FAAH2: variants seen among roughly 807,000 people sequenced by gnomAD.
The protein encoded by FAAH2 is fatty acid amide hydrolase 2, also known as fatty-acid amide hydrolase 2.
In FAAH2, 60 loss-of-function variants were observed where a neutral mutation model predicts 36.9. That is an observed-to-expected ratio of 1.63 (90% confidence interval 1.32 to 2.02). The LOEUF (loss-of-function observed/expected upper bound fraction) is 2.02. Ranked by LOEUF, FAAH2 falls within the 30% of genes most tolerant of loss-of-function variation. The pLI, the probability that FAAH2 is intolerant of heterozygous loss-of-function variation, is 0.00. For missense variants in FAAH2, 689 were observed against 397.5 expected, an observed-to-expected ratio of 1.73 and a Z score of -6.23; for synonymous variants, 214 against 143.8, an observed-to-expected ratio of 1.49 and a Z score of -3.49.
the FAAH2 span, among the ~76,000 whole-genome samples, chrX:57,194,386 A>G: frequency 9.1e-6 from 1 of 110,189 alleles, no homozygotes; most frequent in African/African-American, 3.3e-5. Flanking sequence ...CTCTGATTTT[A>G]TTTATTTGGA....
chrX:57,168,530 A>T, the FAAH2 span, among the ~76,000 whole-genome samples: 1 of 112,285 alleles, frequency 8.9e-6, no homozygotes. Context: ...TTGGCTTAAA[A>T]GAGAAGGCTA....
At chrX:57,393,623 C>T (rs1420684904) in intron 7 of FAAH2, 2 of 914,394 alleles carry the variant, frequency 2.2e-6, no homozygotes, top group Non-Finnish European at 3.2e-6. Context: ...CAATGCACCA[C>T]TCACCCCCAG....
At chrX:57,310,085 G>T (rs760082671) in intron 2 of FAAH2, among the ~76,000 whole-genome samples, 4 of 112,024 alleles carry the variant, frequency 3.6e-5, no homozygotes, top group African/African-American at 1.3e-4. Flanking sequence ...AGCCTCGGCA[G>T]CATCTGTTGT....
chrX:57,378,395 C>T (rs1416232438), intron 5 of FAAH2, among the ~76,000 whole-genome samples: 3 of 110,907 alleles, frequency 2.7e-5, no homozygotes, highest in Non-Finnish European at 5.7e-5. Context: ...AAGTAGGGAC[C>T]CTGTTTCCAT....
At chrX:57,470,476 G>A (rs779499143) in intron 10 of FAAH2, among the ~76,000 whole-genome samples, 6 of 111,729 alleles carry the variant, frequency 5.4e-5, no homozygotes, top group African/African-American at 2.0e-4. Context: ...GCACCTCTAT[G>A]CAAATAAACT....
the FAAH2 span, among the ~76,000 whole-genome samples, chrX:57,280,912 T>A: frequency 8.9e-6 from 1 of 112,501 alleles, no homozygotes; most frequent in African/African-American, 3.2e-5. Flanking sequence ...TGATTATTGA[T>A]ACACATACAA....
At chrX:57,238,606 G>T in the FAAH2 span, among the ~76,000 whole-genome samples, 5 of 111,178 alleles carry the variant, frequency 4.5e-5, no homozygotes, top group South Asian at 7.6e-4. Flanking sequence ...TAACAAACCT[G>T]CACAGGTACC....
chrX:57,267,231 C>T, the FAAH2 span, among the ~76,000 whole-genome samples: 1 of 112,757 alleles, frequency 8.9e-6, no homozygotes, highest in South Asian at 3.6e-4. Flanking sequence ...GTCTGCATGG[C>T]AGGTTTTGCT....
At chrX:57,191,769 C>T in the FAAH2 span, among the ~76,000 whole-genome samples, 1 of 111,814 alleles carries the variant, frequency 8.9e-6, no homozygotes, top group African/African-American at 3.2e-5. Flanking sequence ...GTTCTTGTCA[C>T]GTTTATCAAA....
At position 57,331,636 on chromosome X, in the gene FAAH2, G is replaced by A; in HGVS notation, c.451G>A (p.Ala151Thr). Residue 151 changes from alanine to threonine, a missense_variant, in exon 4 of 11, where the codon GCC becomes ACC. Transcript: ENST00000374900. ...TTCTGGACTCATGAACCGTCGTGAT[G>A]CCATTGCCAAAACAGATGCCACTGT... Reference protein sequence around the residue: ...NSSGLMNRRDAIAKTDATVVA... With the variant: ...NSSGLMNRRDTIAKTDATVVA... The A allele has an allele frequency of 8.3e-7, 1 of 1,211,581 alleles. No homozygotes were observed. Among genetic ancestry groups the A allele is most frequent in the Non-Finnish European group, 1.1e-6 (1 of 895,358 alleles).
At chrX:57,163,410 C>T in the FAAH2 span, among the ~76,000 whole-genome samples, 2 of 111,636 alleles carry the variant, frequency 1.8e-5, no homozygotes, top group East Asian at 5.6e-4. Context: ...TTCCTGGCTG[C>T]TTTGTTTACC....
At chrX:57,328,982 T>A (rs1177615260) in intron 3 of FAAH2, among the ~76,000 whole-genome samples, 1 of 111,657 alleles carries the variant, frequency 9.0e-6, no homozygotes, top group African/African-American at 3.3e-5. Flanking sequence ...GCCAGATCAC[T>A]GGTCATAATA....
intron 10 of FAAH2, among the ~76,000 whole-genome samples, chrX:57,474,853 G>T (rs767696271): frequency 8.9e-6 from 1 of 112,013 alleles, no homozygotes; most frequent in African/African-American, 3.2e-5. Context: ...AGGCACACCA[G>T]CATCTGTTGT....
chrX:57,208,632 G>T, the FAAH2 span, among the ~76,000 whole-genome samples: 13 of 111,920 alleles, frequency 1.2e-4, no homozygotes, highest in African/African-American at 3.6e-4. Context: ...TGTGGAGTGG[G>T]AAATCAGGGG....
chrX:57,480,197 G>A (rs993218024), intron 10 of FAAH2, among the ~76,000 whole-genome samples: 1 of 111,335 alleles, frequency 9.0e-6, no homozygotes, highest in Non-Finnish European at 1.9e-5. Flanking sequence ...GGAGGAACTG[G>A]TACCATTCCT....
chrX:57,335,300 G>A (rs2053516423), intron 4 of FAAH2, among the ~76,000 whole-genome samples: 1 of 111,099 alleles, frequency 9.0e-6, no homozygotes, highest in African/African-American at 3.3e-5. Context: ...GGGGACCGGC[G>A]TTCAGCATAA....
intron 8 of FAAH2, among the ~76,000 whole-genome samples, chrX:57,434,264 T>C (rs759099135): frequency 1.8e-4 from 19 of 108,388 alleles, no homozygotes; most frequent in African/African-American, 6.4e-4. Context: ...TTAGTAGAGA[T>C]GGGGTTTCAC....
chrX:57,123,901 T>G, the FAAH2 span, among the ~76,000 whole-genome samples: 1 of 112,245 alleles, frequency 8.9e-6, no homozygotes, highest in African/African-American at 3.2e-5. Flanking sequence ...TTCTGGATAT[T>G]AGCCCTTTGT....
intron 7 of FAAH2, among the ~76,000 whole-genome samples, chrX:57,406,346 CT>C (rs2147321687): frequency 8.9e-6 from 1 of 112,375 alleles, no homozygotes; most frequent in East Asian, 2.8e-4. Context: ...CACGTTAGCA[CT>C]ATGCTGTGTC....
Sources: gnomAD v4.1 joint callset for allele counts (sites outside exome capture counted in the v4.1 genomes callset) on GRCh38, gnomAD v4.1.1 for gene constraint, MANE v1.5 for transcripts, NCBI Gene and HGNC (gene_info 2026-07-23, HGNC 2026-07-21) for gene names.